PIK3R4: variants seen among roughly 807,000 people sequenced by gnomAD.
PIK3R4 encodes the protein phosphoinositide 3-kinase regulatory subunit 4.
In PIK3R4, 46 loss-of-function variants were observed where a neutral mutation model predicts 136.5. That is an observed-to-expected ratio of 0.34 (90% CI 0.27 to 0.43). PIK3R4 has a LOEUF of 0.43. Ranked by LOEUF, PIK3R4 falls within the 20% of genes least tolerant of loss-of-function variation. The pLI is 1.00. For missense variants in PIK3R4, 1,331 were observed against 1,649.5 expected (o/e 0.81, Z 3.35); for synonymous variants, 557 against 566.7 (o/e 0.98, Z 0.24).
chr3:130,695,984 TTTC>T (rs1249273830), intron 13 of PIK3R4, among the ~76,000 whole-genome samples: 1 of 152,152 alleles, frequency 6.6e-6, no homozygotes, highest in African/African-American at 2.4e-5. Flanking sequence ...AGATTTTATA[TTTC>T]TTCTTTAGTC....
At chr3:130,701,441 G>C (rs1352040239) in intron 13 of PIK3R4, among the ~76,000 whole-genome samples, 3 of 151,956 alleles carry the variant, frequency 2.0e-5, no homozygotes, top group African/African-American at 7.3e-5. Flanking sequence ...GAACCCAGGA[G>C]GCGGTGGTTG....
chr3:130,714,858 T>G (rs984136875), intron 9 of PIK3R4, among the ~76,000 whole-genome samples: 1 of 152,202 alleles, frequency 6.6e-6, no homozygotes, highest in Admixed American at 6.5e-5. Flanking sequence ...TGATGGGCAT[T>G]TGGGTTGGTT....
chr3:130,708,744 T>C (rs2066618931), intron 9 of PIK3R4, among the ~76,000 whole-genome samples: 1 of 152,086 alleles, frequency 6.6e-6, no homozygotes, highest in Admixed American at 6.6e-5. Flanking sequence ...ACTTTCTTCC[T>C]AAAGGACAGT....
Position 130,727,581 on chromosome 3 carries a change from T to C in PIK3R4, c.1807+882A>G, listed in dbSNP as rs538305010. Among the ~76,000 whole-genome samples, 3 of 152,368 alleles carry C rather than the reference T, an allele frequency of 2.0e-5. No homozygotes were observed. In the East Asian group the frequency reaches 5.8e-4, roughly 29 times the overall value. ...AAAGTCTGGACACAGCCAAGCTTTC[T>C]ATTGTGCAGAATAGTCTTTAAACTT... On this transcript the variant is annotated intron_variant, in intron 6 of 19. Coordinates refer to ENST00000356763, the MANE Select transcript of PIK3R4 (RefSeq NM_014602.3).
intron 8 of PIK3R4, 60 bp downstream of exon 8, chr3:130,718,329 A>AT (rs2066678269): frequency 4.4e-5 from 65 of 1,463,832 alleles, no homozygotes; most frequent in Middle Eastern, 1.9e-4. Flanking sequence ...CTCTCTAAAC[A>AT]TTTTTTTTAA....
At chr3:130,739,717 G>A (rs1576464891) in intron 2 of PIK3R4, among the ~76,000 whole-genome samples, 1 of 151,792 alleles carries the variant, frequency 6.6e-6, no homozygotes, top group South Asian at 2.1e-4. Flanking sequence ...TAGTTGCAAG[G>A]GATTGAAAAA....
At chr3:130,720,069 T>C (rs145978527) in intron 7 of PIK3R4, among the ~76,000 whole-genome samples, 111 of 152,334 alleles carry the variant, frequency 7.3e-4, no homozygotes, top group Non-Finnish European at 1.0e-3. Flanking sequence ...ACTGAGATTC[T>C]GTGGTTGACT....
chr3:130,729,290 C>T (rs2066749778), intron 5 of PIK3R4, among the ~76,000 whole-genome samples: 1 of 152,076 alleles, frequency 6.6e-6, no homozygotes, highest in Non-Finnish European at 1.5e-5. Context: ...TCGTTTCTAT[C>T]GTATTCACCA....
chr3:130,714,764 C>T (rs965961138), intron 9 of PIK3R4, among the ~76,000 whole-genome samples: 7 of 152,256 alleles, frequency 4.6e-5, no homozygotes, highest in South Asian at 4.1e-4. Flanking sequence ...CATGTCCCTG[C>T]AAAGGACATG....
intron 13 of PIK3R4, among the ~76,000 whole-genome samples, chr3:130,703,260 A>G (rs1463386419): frequency 1.3e-5 from 2 of 152,248 alleles, no homozygotes; most frequent in Admixed American, 1.3e-4. Flanking sequence ...TCCAGCCACA[A>G]AGACCTTTCT....
chr3:130,715,586 T>G (rs1427712358), intron 9 of PIK3R4, among the ~76,000 whole-genome samples: 1 of 152,198 alleles, frequency 6.6e-6, no homozygotes, highest in Non-Finnish European at 1.5e-5. Context: ...TTCATATCCT[T>G]TGCCCACTTT....
At chr3:130,735,822 C>A (rs771266475) in intron 3 of PIK3R4, 47 bp downstream of exon 3, 3 of 1,550,372 alleles carry the variant, frequency 1.9e-6, no homozygotes, top group Admixed American at 1.8e-5. Context: ...AAAGTGGGAA[C>A]TAGATCCTAT....
At chr3:130,745,926 C>T (rs1219152867) in intron 1 of PIK3R4, among the ~76,000 whole-genome samples, 1 of 151,756 alleles carries the variant, frequency 6.6e-6, no homozygotes, top group African/African-American at 2.4e-5. Flanking sequence ...GTGAGGCTGA[C>T]GCAGAATTGC....
At chr3:130,722,370 C>G (rs1449156029) in intron 7 of PIK3R4, among the ~76,000 whole-genome samples, 3 of 149,994 alleles carry the variant, frequency 2.0e-5, no homozygotes, top group Non-Finnish European at 4.5e-5. Flanking sequence ...ATATATTCAT[C>G]CTGGGATCAA....
At chr3:130,730,660 A>G (rs2066756292) in intron 4 of PIK3R4, among the ~76,000 whole-genome samples, 1 of 151,940 alleles carries the variant, frequency 6.6e-6, no homozygotes, top group African/African-American at 2.4e-5. Flanking sequence ...CACAGCTTAA[A>G]AAAATAATAA....
chr3:130,708,815 T>C (rs564226395), intron 9 of PIK3R4, among the ~76,000 whole-genome samples: 2 of 152,280 alleles, frequency 1.3e-5, no homozygotes, highest in African/African-American at 2.4e-5. Flanking sequence ...TCTAGTAGTA[T>C]TTAAAATACA....
chr3:130,717,551 T>C (rs544865478), intron 8 of PIK3R4, among the ~76,000 whole-genome samples: 2 of 138,458 alleles, frequency 1.4e-5, no homozygotes, highest in South Asian at 4.8e-4. Flanking sequence ...AAAAAAATCC[T>C]ACAAACTCTA....
rs78264707 is a variant in PIK3R4, at chr3:130,685,245, A to G, written c.3476-864T>C. ...GAATGGTGATTATAATACAGTGTAT[A>G]TTTCAAAGTTGCCAAGAGTAAATTT... On this transcript the variant is annotated intron_variant, in intron 15 of 19. Coordinates refer to ENST00000356763, the MANE Select transcript of PIK3R4 (RefSeq NM_014602.3). Among the ~76,000 whole-genome samples, 423 of 152,324 alleles carry G rather than the reference A, an allele frequency of 2.8e-3. 2 individuals carry two copies. Among genetic ancestry groups the G allele is most frequent in the African/African-American group, 9.8e-3 (409 of 41,572 alleles).
intron 5 of PIK3R4, among the ~76,000 whole-genome samples, chr3:130,729,216 T>A (rs941360259): frequency 1.4e-4 from 22 of 152,324 alleles, no homozygotes; most frequent in Middle Eastern, 6.8e-3. Context: ...TCACTTTTTC[T>A]CACTTATTTA....
Sources: gnomAD v4.1 joint callset for allele counts (sites outside exome capture counted in the v4.1 genomes callset) on GRCh38, gnomAD v4.1.1 for gene constraint, MANE v1.5 for transcripts, NCBI Gene and HGNC (gene_info 2026-07-23, HGNC 2026-07-21) for gene names.